The following DIAPH2 variants were observed in gnomAD, a reference collection of about 807,000 sequenced individuals.
DIAPH2 encodes protein diaphanous homolog 2.
A neutral mutation model predicts 92.7 loss-of-function variants in DIAPH2; 35 were observed. The ratio of observed to expected loss-of-function variants is 0.38; its 90% CI spans 0.29 to 0.50. DIAPH2 has a LOEUF of 0.50. DIAPH2 is among the 20% of genes least tolerant of loss of function. The probability of loss-of-function intolerance (pLI) is 0.94; values close to 1 mark genes in which losing one functional copy is unlikely to be tolerated. For missense variants in DIAPH2, 701 were observed against 819.5 expected (o/e 0.86, Z 1.77); for synonymous variants, 301 against 280.4 (o/e 1.07, Z -0.73).
At chrX:97,478,593 G>T (rs1305685158) in intron 26 of DIAPH2, among the ~76,000 whole-genome samples, 1 of 111,655 alleles carries the variant, frequency 9.0e-6, no homozygotes, top group African/African-American at 3.2e-5. Context: ...TTAATTGTTC[G>T]CTGCATCCCA....
At chrX:96,980,826 C>T (rs1231577021) in intron 17 of DIAPH2, among the ~76,000 whole-genome samples, 7 of 108,878 alleles carry the variant, frequency 6.4e-5, no homozygotes, top group Admixed American at 5.9e-4. Context: ...CTTATGTTCC[C>T]GTGATTTAGT....
At position 96,731,576 on chromosome X, in the gene DIAPH2, T is replaced by C. The variant is rs73547718; in HGVS notation, c.133-4182T>C. 1.0e-2 allele frequency among the ~76,000 whole-genome samples: 1,115 copies of C among 111,669 alleles called. 10 individuals carry two copies. The highest frequency in any genetic ancestry group is 0.035 in the African/African-American group (1,068 of 30,719). On this transcript the variant is annotated intron_variant, in intron 1 of 26. Coordinates refer to ENST00000324765, the MANE Select transcript of DIAPH2 (RefSeq NM_006729.5). ...AGAGAGTTGAATCTTTACATCTTGC[T>C]CTTTTTGTTAATTTCTGCCTGATTG...
In DIAPH2 at chrX:97,249,021, TTA is replaced by T. The variant is rs2068164875; in HGVS notation, c.2844+1183_2844+1184del. On this transcript the variant is annotated intron_variant, in intron 23 of 26. Transcript: ENST00000324765. ...ACCTTGGGTTGCATTACTGGCCACGTTAGGATACCTAATGTGAAGGTTTCACT... is the reference window on the plus strand; with the variant it reads ...ACCTTGGGTTGCATTACTGGCCACGTGGATACCTAATGTGAAGGTTTCACT... 8.1e-5 allele frequency among the ~76,000 whole-genome samples: 9 copies of T among 111,011 alleles called. No individual in the cohort carries two copies. In the South Asian group the frequency reaches 3.4e-3, roughly 43 times the overall value.
At chrX:96,717,766 G>A in intron 1 of DIAPH2, among the ~76,000 whole-genome samples, 1 of 93,566 alleles carries the variant, frequency 1.1e-5, no homozygotes, top group Non-Finnish European at 2.1e-5. Flanking sequence ...GGTTCTTTGG[G>A]CTTTTGGGAA....
chrX:96,958,196 C>T (rs2065824824), intron 16 of DIAPH2, 48 bp downstream of exon 16: 1 of 1,169,561 alleles, frequency 8.6e-7, no homozygotes, highest in African/African-American at 1.8e-5. Flanking sequence ...TTTTGTTGAT[C>T]ATTGCTATGT....
At chrX:96,782,551 G>C (rs186498537) in intron 4 of DIAPH2, among the ~76,000 whole-genome samples, 1,345 of 111,020 alleles carry the variant, frequency 0.012, 10 homozygotes, top group Non-Finnish European at 0.019. Context: ...CGCCCGCCTC[G>C]GCCTCCCAAA....
At chrX:97,212,985 T>C (rs924800573) in intron 22 of DIAPH2, among the ~76,000 whole-genome samples, 2 of 111,912 alleles carry the variant, frequency 1.8e-5, no homozygotes, top group African/African-American at 6.5e-5. Context: ...TTTAATTTTG[T>C]ATATATGCTT....
At chrX:96,917,401 A>G (rs922831057) in intron 8 of DIAPH2, among the ~76,000 whole-genome samples, 10 of 111,455 alleles carry the variant, frequency 9.0e-5, no homozygotes, top group Non-Finnish European at 1.3e-4. Flanking sequence ...CTCAGAAACC[A>G]AAAGACAAAC....
chrX:97,344,762 T>C (rs2069141954), intron 23 of DIAPH2, among the ~76,000 whole-genome samples: 1 of 112,570 alleles, frequency 8.9e-6, no homozygotes, highest in African/African-American at 3.2e-5. Flanking sequence ...TGAAATTCGG[T>C]ATCACTACAT....
chrX:97,443,285 C>T (rs1458083215), intron 26 of DIAPH2, among the ~76,000 whole-genome samples: 1 of 111,867 alleles, frequency 8.9e-6, no homozygotes, highest in East Asian at 2.8e-4. Context: ...TAAGATAGTG[C>T]CTCACCTATT....
At chrX:97,546,880 T>C (rs2071185578) in intron 26 of DIAPH2, among the ~76,000 whole-genome samples, 1 of 110,275 alleles carries the variant, frequency 9.1e-6, no homozygotes, top group Non-Finnish European at 1.9e-5. Context: ...GGCAGTAAGG[T>C]GGAAGAGTGT....
At chrX:96,883,649 G>A (rs796865531) in intron 5 of DIAPH2, among the ~76,000 whole-genome samples, 1 of 110,732 alleles carries the variant, frequency 9.0e-6, no homozygotes, top group South Asian at 3.9e-4. Flanking sequence ...CAAAGTTCTG[G>A]GATTACAGGC....
At chrX:97,015,597 G>A (rs1042019762) in intron 17 of DIAPH2, among the ~76,000 whole-genome samples, 5 of 110,755 alleles carry the variant, frequency 4.5e-5, no homozygotes, top group African/African-American at 1.3e-4. Context: ...AAAATGACTC[G>A]TGTAAATATG....
chrX:97,073,109 A>G (rs952715581), intron 18 of DIAPH2, 67 bp downstream of exon 18: 38 of 717,862 alleles, frequency 5.3e-5, no homozygotes, highest in Non-Finnish European at 7.7e-5. Context: ...TGTTTAATGT[A>G]TTTAATGAAA....
At chrX:96,927,282 A>ATTTTTTTT (rs5903060) in intron 9 of DIAPH2, among the ~76,000 whole-genome samples, 4 of 82,152 alleles carry the variant, frequency 4.9e-5, no homozygotes, top group African/African-American at 1.8e-4. Flanking sequence ...CTGGAGTTGA[A>ATTTTTTTT]TTTTTTTTTT....
chrX:96,884,262 C>A (rs774546053), intron 5 of DIAPH2: 1 of 1,130,343 alleles, frequency 8.8e-7, no homozygotes, highest in Admixed American at 2.4e-5. Context: ...TCCGTGGAGC[C>A]CCAGACGAGC....
intron 4 of DIAPH2, among the ~76,000 whole-genome samples, chrX:96,862,780 G>C (rs1182516415): frequency 8.9e-6 from 1 of 111,762 alleles, no homozygotes; most frequent in Non-Finnish European, 1.9e-5. Context: ...TTCTCTTCTT[G>C]TTGTTGGTTG....
At chrX:97,013,914 G>A (rs2066243765) in intron 17 of DIAPH2, among the ~76,000 whole-genome samples, 1 of 112,005 alleles carries the variant, frequency 8.9e-6, no homozygotes, top group African/African-American at 3.2e-5. Context: ...GAAGGAAGGC[G>A]GAATCAGTGA....
chrX:97,025,531 A>G (rs1197314550), intron 17 of DIAPH2, among the ~76,000 whole-genome samples: 1 of 109,829 alleles, frequency 9.1e-6, no homozygotes, highest in Non-Finnish European at 1.9e-5. Context: ...GGGCCCCTGT[A>G]GTCCCAGCTA....
Sources: gnomAD v4.1 joint callset for allele counts (sites outside exome capture counted in the v4.1 genomes callset) on GRCh38, gnomAD v4.1.1 for gene constraint, MANE v1.5 for transcripts, NCBI Gene and HGNC (gene_info 2026-07-23, HGNC 2026-07-21) for gene names.